KIAA1958: variants seen among roughly 807,000 people sequenced by gnomAD.
KIAA1958 encodes KIAA1958.
KIAA1958 carries 14 observed loss-of-function variants against 47.2 expected under a neutral mutation model. That is an observed-to-expected ratio of 0.30 (90% CI 0.20 to 0.46). The LOEUF is 0.46. KIAA1958 is among the 20% of genes least tolerant of loss of function. The pLI, the probability that KIAA1958 is intolerant of heterozygous loss-of-function variation, is 1.00. For missense variants in KIAA1958, 803 were observed against 909.2 expected (o/e 0.88, Z 1.50); for synonymous variants, 354 against 353.3 (o/e 1.00, Z -0.02).
chr9:112,619,393 A>G (rs1389786075), intron 2 of KIAA1958, among the ~76,000 whole-genome samples: 3 of 152,208 alleles, frequency 2.0e-5, no homozygotes, highest in African/African-American at 7.2e-5. Context: ...TTTACTGCTG[A>G]CGCAAAACTG....
intron 1 of KIAA1958, among the ~76,000 whole-genome samples, chr9:112,528,914 T>C (rs539532748): frequency 2.6e-5 from 4 of 152,252 alleles, no homozygotes; most frequent in African/African-American, 9.6e-5. Flanking sequence ...GTTTTGTGAA[T>C]GTTTGCTAAT....
intron 2 of KIAA1958, among the ~76,000 whole-genome samples, chr9:112,580,406 A>G (rs1386593365): frequency 1.3e-5 from 2 of 152,148 alleles, no homozygotes; most frequent in African/African-American, 4.8e-5. Context: ...TTGTGTATAC[A>G]TACATATATA....
intron 3 of KIAA1958, among the ~76,000 whole-genome samples, chr9:112,646,029 C>T (rs983266002): frequency 6.6e-6 from 1 of 150,584 alleles, no homozygotes; most frequent in Non-Finnish European, 1.5e-5. Flanking sequence ...CTGAAAAGTT[C>T]AGAGGGCTAA....
rs1837307516 is a variant in KIAA1958 at position 112,663,229 on chromosome 9, TTCTG to T, written c.*3164_*3167del. On this transcript the variant is annotated 3_prime_UTR_variant, in exon 4 of 4. Transcript: ENST00000337530. The stretch of plus-strand genomic sequence containing the variant: ...TATCTGCTGTAAAGGGAGCCCTACT[TTCTG>T]TCTATCCCCCCCACCGCCGGCCCCC... 1.3e-5 allele frequency: 2 copies of T among 152,480 alleles called. No homozygotes were observed. The highest frequency in any genetic ancestry group is 4.8e-5 in the African/African-American group (2 of 41,490). The allele number at this position is 152,480 out of a possible 1,614,324, so 9.4% of individuals were successfully genotyped here.
At chr9:112,644,592 T>C (rs923188246) in intron 2 of KIAA1958, among the ~76,000 whole-genome samples, 63 of 152,202 alleles carry the variant, frequency 4.1e-4, no homozygotes, top group Non-Finnish European at 7.9e-4. Context: ...CAGCTAGTTA[T>C]TCCTTTGGCA....
chr9:112,551,972 A>G (rs1016156433), intron 1 of KIAA1958, among the ~76,000 whole-genome samples: 1 of 152,176 alleles, frequency 6.6e-6, no homozygotes, highest in African/African-American at 2.4e-5. Context: ...TCCTACTTGT[A>G]TAGTCTCATG....
intron 1 of KIAA1958, among the ~76,000 whole-genome samples, chr9:112,555,070 C>G (rs1035959438): frequency 6.6e-6 from 1 of 152,204 alleles, no homozygotes; most frequent in Non-Finnish European, 1.5e-5. Flanking sequence ...GAGCACCTAA[C>G]ACAAGTCAAA....
At chr9:112,533,074 A>G (rs967859442) in intron 1 of KIAA1958, among the ~76,000 whole-genome samples, 5 of 152,114 alleles carry the variant, frequency 3.3e-5, no homozygotes, top group African/African-American at 9.7e-5. Flanking sequence ...AAATTTAAGT[A>G]TACCCTTCCA....
At chr9:112,540,250 C>T (rs1834918435) in intron 1 of KIAA1958, among the ~76,000 whole-genome samples, 1 of 151,968 alleles carries the variant, frequency 6.6e-6, no homozygotes, top group Non-Finnish European at 1.5e-5. Context: ...AAGGAGGTAG[C>T]AATGAAATTT....
chr9:112,604,887 A>G (rs1302553333), intron 2 of KIAA1958, among the ~76,000 whole-genome samples: 1 of 148,010 alleles, frequency 6.8e-6, no homozygotes, highest in African/African-American at 2.5e-5. Context: ...CGTGGACACT[A>G]TATATATATA....
At chr9:112,513,353 T>G (rs1466390635) in intron 1 of KIAA1958, among the ~76,000 whole-genome samples, 1 of 147,176 alleles carries the variant, frequency 6.8e-6, no homozygotes, top group Non-Finnish European at 1.5e-5. Flanking sequence ...TAGGCCAGAT[T>G]GGGAAGACTT....
rs1483278325 is a variant in KIAA1958, at chr9:112,618,389, A to G, written c.1172-27261A>G. On this transcript the variant is annotated intron_variant, in intron 2 of 3. Coordinates refer to ENST00000337530, the MANE Select transcript of KIAA1958 (RefSeq NM_133465.4). This position sits in a 1 kb window ranked among gnomAD's most constrained non-coding sequence, Gnocchi z 7.1. ...GCATTGCACAGGCTTCCATGGATCT[A>G]CCTTAAAATGGGGTGATATCCGGCT... The G allele has an allele frequency of 4.5e-6, 7 of 1,551,302 alleles. No individual in the cohort carries two copies. Among genetic ancestry groups the G allele is most frequent in the Non-Finnish European group, 6.1e-6 (7 of 1,147,142 alleles).
chr9:112,589,218 T>C (rs1183457018), intron 2 of KIAA1958, among the ~76,000 whole-genome samples: 1 of 152,236 alleles, frequency 6.6e-6, no homozygotes, highest in Non-Finnish European at 1.5e-5. Context: ...ATCTTTTCCT[T>C]TGGTTTTTCT....
intron 2 of KIAA1958, among the ~76,000 whole-genome samples, chr9:112,607,254 G>A (rs1170591163): frequency 6.6e-6 from 1 of 152,080 alleles, no homozygotes; most frequent in Non-Finnish European, 1.5e-5. Context: ...CCACTCAGGA[G>A]GCTGAGGCGA....
At chr9:112,535,598 A>G (rs1331577541) in intron 1 of KIAA1958, among the ~76,000 whole-genome samples, 1 of 152,172 alleles carries the variant, frequency 6.6e-6, no homozygotes, top group Non-Finnish European at 1.5e-5. Context: ...ATATATGCCC[A>G]GAAGTAGAAT....
chr9:112,498,189 G>T (rs1464668965), intron 1 of KIAA1958, among the ~76,000 whole-genome samples: 1 of 152,096 alleles, frequency 6.6e-6, no homozygotes. Flanking sequence ...TTCTACATTA[G>T]TGAATTTACC....
chr9:112,592,095 G>A (rs544209868), intron 2 of KIAA1958, among the ~76,000 whole-genome samples: 2 of 152,316 alleles, frequency 1.3e-5, no homozygotes, highest in East Asian at 3.9e-4. Flanking sequence ...AGGAGTCAGG[G>A]CAGAGCAGGT....
At chr9:112,515,894 T>TAAAAA (rs58492221) in intron 1 of KIAA1958, among the ~76,000 whole-genome samples, 1,104 of 97,028 alleles carry the variant, frequency 0.011, 19 homozygotes, top group Non-Finnish European at 0.014. Flanking sequence ...AAAAATAAAT[T>TAAAAA]AAAAAAAAAA....
intron 2 of KIAA1958, among the ~76,000 whole-genome samples, chr9:112,635,217 T>G (rs773318517): frequency 8.1e-4 from 8 of 9,854 alleles, no homozygotes; most frequent in Non-Finnish European, 7.3e-3. Flanking sequence ...CTTTATTTTG[T>G]GTGTGTGTGT....
Sources: gnomAD v4.1 joint callset for allele counts (sites outside exome capture counted in the v4.1 genomes callset) on GRCh38, gnomAD v4.1.1 for gene constraint, Gnocchi (gnomAD v3.1) non-coding constraint, MANE v1.5 for transcripts, NCBI Gene and HGNC (gene_info 2026-07-23, HGNC 2026-07-21) for gene names.